Variants in CSMD1 observed in about 807,000 individuals in gnomAD.
CSMD1 encodes CUB and Sushi multiple domains 1.
A neutral mutation model predicts 417.5 loss-of-function variants in CSMD1; 213 were observed. The observed-to-expected ratio is 0.51, with a 90% CI of 0.46 to 0.57. The LOEUF is 0.57. Among genes scored for constraint, CSMD1 ranks in the 20% least tolerant of loss-of-function variants. The pLI is 0.00. For synonymous variants in CSMD1, 2,862 were observed against 1,736.8 expected (o/e 1.65, Z -16.11); for missense variants, 6,923 against 4,529.7 (o/e 1.53, Z -15.17).
Position 3,805,457 on chromosome 8 carries a change from C to T in CSMD1, c.819-51415G>A, listed in dbSNP as rs554322428. ...CTGAGTGGAGCAGAAATGATCTACTCCCTCCCTCTTTCTGACCTCCACTCT... is the reference window on the plus strand; with the variant it reads ...CTGAGTGGAGCAGAAATGATCTACTTCCTCCCTCTTTCTGACCTCCACTCT... On this transcript the variant is annotated intron_variant, in intron 5 of 69. Transcript: ENST00000635120. 5.0e-4 allele frequency among the ~76,000 whole-genome samples: 76 copies of T among 152,298 alleles called. 3 individuals are homozygous for T. The Middle Eastern group carries it at 0.01, about 21-fold the overall frequency.
At chr8:3,531,847 G>A (rs549024764) in intron 10 of CSMD1, among the ~76,000 whole-genome samples, 143 of 152,246 alleles carry the variant, frequency 9.4e-4, no homozygotes, top group Non-Finnish European at 1.9e-3. Context: ...AAACGGCTAC[G>A]TGGGGCCAGG....
chr8:3,522,334 T>C (rs1471599390), intron 10 of CSMD1, among the ~76,000 whole-genome samples: 2 of 152,240 alleles, frequency 1.3e-5, no homozygotes, highest in South Asian at 2.1e-4. Flanking sequence ...GTAAAGGATA[T>C]CTTTTGACTT....
chr8:4,089,744 T>C lies in CSMD1; in HGVS notation c.416-57645A>G, dbSNP rs531021048. 4.6e-5 allele frequency among the ~76,000 whole-genome samples: 7 copies of C among 152,242 alleles called. No individual in the cohort carries two copies. The East Asian group carries it at 1.4e-3, about 29-fold the overall frequency. On this transcript the variant is annotated intron_variant, in intron 3 of 69. Coordinates refer to ENST00000635120, the MANE Select transcript of CSMD1 (RefSeq NM_033225.6). ...TATTTTAATTATTATTGACACAACA[T>C]CATTCATTAGTTTGGGGGTATTTTT...
In CSMD1 at chr8:4,337,098, G is replaced by A. The variant is rs377275554; in HGVS notation, c.415+82855C>T. On this transcript the variant is annotated intron_variant, in intron 3 of 69. Transcript: ENST00000635120. ...TGTCCCAGAGGGTTGCCAACGTTGC[G>A]GCCACGTACAGGAGACCGAAGCATT... Among the ~76,000 whole-genome samples, 23 of 152,110 alleles carry A rather than the reference G, an allele frequency of 1.5e-4. No individual in the cohort carries two copies. In the South Asian group the frequency reaches 4.2e-3, roughly 28 times the overall value.
chr8:4,920,527 A>G (rs1442000139), intron 1 of CSMD1, among the ~76,000 whole-genome samples: 1 of 152,154 alleles, frequency 6.6e-6, no homozygotes, highest in Non-Finnish European at 1.5e-5. Context: ...GTCCTCAGAA[A>G]TTACAATGGT....
chr8:4,468,997 G>C (rs181889287), intron 2 of CSMD1, among the ~76,000 whole-genome samples: 1 of 152,106 alleles, frequency 6.6e-6, no homozygotes, highest in African/African-American at 2.4e-5. Context: ...TCTTATCAGA[G>C]ACTCTAAAAG....
chr8:3,915,525 C>G (rs1321464346), intron 5 of CSMD1, among the ~76,000 whole-genome samples: 1 of 151,004 alleles, frequency 6.6e-6, no homozygotes, highest in South Asian at 2.1e-4. Context: ...CTTTGTTGAT[C>G]ATACGATCAA....
intron 3 of CSMD1, among the ~76,000 whole-genome samples, chr8:4,326,416 A>G (rs750102258): frequency 6.6e-6 from 1 of 152,198 alleles, no homozygotes; most frequent in Non-Finnish European, 1.5e-5. Flanking sequence ...AAAAGATGGG[A>G]AAACCAATTA....
At chr8:3,971,030 C>G (rs770155765) in intron 5 of CSMD1, among the ~76,000 whole-genome samples, 1 of 152,158 alleles carries the variant, frequency 6.6e-6, no homozygotes, top group African/African-American at 2.4e-5. Flanking sequence ...GGATTTTAGG[C>G]ATGAGTCACC....
intron 5 of CSMD1, among the ~76,000 whole-genome samples, chr8:3,937,107 T>C (rs1372212536): frequency 6.6e-6 from 1 of 152,164 alleles, no homozygotes; most frequent in Non-Finnish European, 1.5e-5. Flanking sequence ...TCATAAGATC[T>C]TAATGGACGA....
rs564302707 is a variant in CSMD1, at chr8:4,359,455, G to C, written c.415+60498C>G. ...ATTTTCTCGAGCAATTTAAAGCTAA[G>C]CCATTCTTTAAAAACAAGATTGAAT... On this transcript the variant is annotated intron_variant, in intron 3 of 69. Transcript: ENST00000635120. Among the ~76,000 whole-genome samples the C allele has an allele frequency of 2.0e-5, 3 of 152,238 alleles. No individual in the cohort carries two copies. The East Asian group carries it at 5.8e-4, about 29-fold the overall frequency.
intron 5 of CSMD1, among the ~76,000 whole-genome samples, chr8:3,981,639 TTTAA>T (rs1279812136): frequency 6.6e-6 from 1 of 152,174 alleles, no homozygotes; most frequent in Non-Finnish European, 1.5e-5. Context: ...TGAGTTGTCT[TTTAA>T]TTATGTCTCT....
chr8:4,244,156 G>C (rs1245390291), intron 3 of CSMD1, among the ~76,000 whole-genome samples: 2 of 152,180 alleles, frequency 1.3e-5, no homozygotes, highest in African/African-American at 4.8e-5. Flanking sequence ...TTGTGCTACA[G>C]GCAGCTCTGC....
intron 1 of CSMD1, among the ~76,000 whole-genome samples, chr8:4,696,545 T>C (rs1272763597): frequency 6.6e-6 from 1 of 152,204 alleles, no homozygotes; most frequent in Non-Finnish European, 1.5e-5. Context: ...AAGCCCCTAA[T>C]ATTTGGGGAG....
intron 12 of CSMD1, among the ~76,000 whole-genome samples, chr8:3,439,301 ATATATATAT>A (rs202239173): frequency 0.19 from 11,304 of 60,990 alleles, 960 homozygotes; most frequent in East Asian, 0.36. Context: ...ATATATATAT[ATATATATAT>A]TTTTTTTTTT....
At chr8:3,739,355 G>C (rs1350918206) in intron 6 of CSMD1, among the ~76,000 whole-genome samples, 1 of 152,172 alleles carries the variant, frequency 6.6e-6, no homozygotes, top group East Asian at 1.9e-4. Flanking sequence ...CAGTGTGACT[G>C]TAGTTAACCA....
At chr8:4,679,391 G>C (rs1805899046) in intron 1 of CSMD1, among the ~76,000 whole-genome samples, 1 of 152,178 alleles carries the variant, frequency 6.6e-6, no homozygotes, top group African/African-American at 2.4e-5. Flanking sequence ...AAATGGATGT[G>C]CCTAACAACG....
At chr8:3,410,099 T>C (rs968832973) in intron 12 of CSMD1, among the ~76,000 whole-genome samples, 5 of 152,250 alleles carry the variant, frequency 3.3e-5, no homozygotes, top group Non-Finnish European at 7.3e-5. Flanking sequence ...AATAACAGTT[T>C]GGTCTACAGA....
intron 5 of CSMD1, among the ~76,000 whole-genome samples, chr8:3,771,013 T>G: frequency 1.1e-5 from 1 of 89,748 alleles, no homozygotes; most frequent in African/African-American, 4.8e-5. Flanking sequence ...TCTCTGTCAG[T>G]GTGTCTGTGT....
Sources: allele counts gnomAD v4.1 joint callset (sites outside exome capture counted in the v4.1 genomes callset), GRCh38; gene constraint gnomAD v4.1.1; transcripts MANE v1.5; gene names NCBI Gene and HGNC (gene_info 2026-07-23, HGNC 2026-07-21).